IRF2: variants seen among roughly 807,000 people sequenced by gnomAD.
IRF2 encodes interferon regulatory factor 2.
IRF2 carries 15 observed loss-of-function variants against 40.6 expected under a neutral mutation model. The ratio of observed to expected loss-of-function variants is 0.37; its 90% CI spans 0.25 to 0.57. IRF2 has a LOEUF of 0.57. IRF2 is among the 20% of genes least tolerant of loss of function. The pLI, the probability that IRF2 is intolerant of heterozygous loss-of-function variation, is 0.77. For missense variants in IRF2, 317 were observed against 455.7 expected (o/e 0.70, Z 2.77); for synonymous variants, 151 against 165.5 (o/e 0.91, Z 0.67).
intron 2 of IRF2, among the ~76,000 whole-genome samples, chr4:184,420,160 AC>A (rs1241181615): frequency 6.6e-6 from 1 of 151,930 alleles, no homozygotes; most frequent in African/African-American, 2.4e-5. Flanking sequence ...GAGCCACCAC[AC>A]CCGGCCCTGT....
intron 5 of IRF2, among the ~76,000 whole-genome samples, chr4:184,415,327 G>A (rs1737228178): frequency 6.6e-6 from 1 of 152,184 alleles, no homozygotes; most frequent in African/African-American, 2.4e-5. Context: ...ACTTGGCTGA[G>A]GTGGCTCTTG....
chr4:184,393,811 C>T (rs1368464198), intron 7 of IRF2, among the ~76,000 whole-genome samples: 1 of 152,096 alleles, frequency 6.6e-6, no homozygotes, highest in Non-Finnish European at 1.5e-5. Context: ...TGAACCTCCC[C>T]CTGAGGGGAG....
intron 1 of IRF2, among the ~76,000 whole-genome samples, chr4:184,441,229 A>C (rs949004234): frequency 6.6e-6 from 1 of 152,212 alleles, no homozygotes; most frequent in African/African-American, 2.4e-5. Flanking sequence ...GCAAACACCC[A>C]ATGAATGTAG....
chr4:184,458,471 TTAAGA>T, intron 1 of IRF2, among the ~76,000 whole-genome samples: 1 of 152,226 alleles, frequency 6.6e-6, no homozygotes. Flanking sequence ...AGGGTTTTAT[TTAAGA>T]TATTTGTTTG....
At chr4:184,467,600 A>G (rs1739373101) in intron 1 of IRF2, among the ~76,000 whole-genome samples, 1 of 152,250 alleles carries the variant, frequency 6.6e-6, no homozygotes, top group South Asian at 2.1e-4. Flanking sequence ...CAATCTCATG[A>G]AATGGGAAAA....
chr4:184,410,023 C>T (rs1353572447), intron 5 of IRF2, among the ~76,000 whole-genome samples: 1 of 152,202 alleles, frequency 6.6e-6, no homozygotes, highest in African/African-American at 2.4e-5. Flanking sequence ...AACTTCCGAC[C>T]CGCTGTCTGC....
intron 2 of IRF2, among the ~76,000 whole-genome samples, chr4:184,419,828 T>C (rs1180932125): frequency 1.3e-5 from 2 of 152,220 alleles, no homozygotes; most frequent in Non-Finnish European, 2.9e-5. Context: ...AGGTGATGAT[T>C]TGACCTTGTG....
In IRF2 at chr4:184,413,093, C is replaced by A. The variant is rs951698627; in HGVS notation, c.412-4818G>T. 2.6e-5 allele frequency among the ~76,000 whole-genome samples: 4 copies of A among 152,224 alleles called. No homozygotes were observed. The highest frequency in any genetic ancestry group is 9.7e-5 in the African/African-American group (4 of 41,448). On this transcript the variant is annotated intron_variant, in intron 5 of 8. Transcript: ENST00000393593. This position sits in a 1 kb window ranked among gnomAD's most constrained non-coding sequence, Gnocchi z 4.2. The stretch of plus-strand genomic sequence containing the variant: ...GGCCTCCTCTTTAGGCCGCTCTTAT[C>A]TGCATCCTCCGTACCCTCTTCCACT...
At chr4:184,414,514 T>A (rs1737191780) in intron 5 of IRF2, among the ~76,000 whole-genome samples, 1 of 152,196 alleles carries the variant, frequency 6.6e-6, no homozygotes, top group African/African-American at 2.4e-5. Context: ...CTGTTTTTCT[T>A]GTTCTTATTT....
intron 1 of IRF2, among the ~76,000 whole-genome samples, chr4:184,430,701 C>T (rs1282894613): frequency 6.6e-6 from 1 of 152,058 alleles, no homozygotes; most frequent in Non-Finnish European, 1.5e-5. Flanking sequence ...AAGAGCATCA[C>T]CTTTTTTTTC....
chr4:184,444,386 C>T (rs890195), intron 1 of IRF2, among the ~76,000 whole-genome samples: 87 of 152,202 alleles, frequency 5.7e-4, no homozygotes, highest in African/African-American at 2.0e-3. Context: ...AGGAACCAAA[C>T]GCAGAAGGTA....
At chr4:184,405,213 C>T (rs920743785) in intron 6 of IRF2, among the ~76,000 whole-genome samples, 6 of 152,222 alleles carry the variant, frequency 3.9e-5, no homozygotes, top group Admixed American at 1.3e-4. Flanking sequence ...CACTGCACTC[C>T]AGCCTGGGCA....
chr4:184,393,081 G>A (rs568152674), intron 7 of IRF2, among the ~76,000 whole-genome samples: 16 of 152,282 alleles, frequency 1.1e-4, no homozygotes, highest in African/African-American at 3.6e-4. Context: ...CCCTCGTGCT[G>A]GCTCAGTATC....
At chr4:184,432,784 G>A (rs1374152747) in intron 1 of IRF2, among the ~76,000 whole-genome samples, 2 of 152,218 alleles carry the variant, frequency 1.3e-5, no homozygotes, top group Admixed American at 1.3e-4. Context: ...AGACTGCAGT[G>A]AGGCTGCTGC....
At chr4:184,407,503 G>A (rs543449674) in intron 6 of IRF2, among the ~76,000 whole-genome samples, 5 of 152,312 alleles carry the variant, frequency 3.3e-5, no homozygotes, top group South Asian at 2.1e-4. Context: ...GGAAAACACT[G>A]CTCCTCTGAG....
chr4:184,420,136 G>A (rs1737429869), intron 2 of IRF2, among the ~76,000 whole-genome samples: 1 of 152,182 alleles, frequency 6.6e-6, no homozygotes, highest in East Asian at 1.9e-4. Flanking sequence ...CCAAACTGCT[G>A]AGATTACAGG....
At chr4:184,395,270 G>A (rs543833288) in intron 7 of IRF2, among the ~76,000 whole-genome samples, 11 of 152,122 alleles carry the variant, frequency 7.2e-5, no homozygotes, top group South Asian at 2.1e-4. Context: ...AAAATTAGCC[G>A]GGCTTGGTTG....
At chr4:184,434,812 A>T (rs903331518) in intron 1 of IRF2, among the ~76,000 whole-genome samples, 1 of 152,224 alleles carries the variant, frequency 6.6e-6, no homozygotes, top group Non-Finnish European at 1.5e-5. Flanking sequence ...TCACCCAAAT[A>T]ACTGAATTTT....
At chr4:184,412,984 A>C (rs1737130797) in intron 5 of IRF2, among the ~76,000 whole-genome samples, 1 of 152,072 alleles carries the variant, frequency 6.6e-6, no homozygotes, top group Non-Finnish European at 1.5e-5. Flanking sequence ...TGTCACTTCA[A>C]AGGCAGCATG....
Sources: allele counts gnomAD v4.1 joint callset (sites outside exome capture counted in the v4.1 genomes callset), GRCh38; gene constraint gnomAD v4.1.1; non-coding constraint Gnocchi (gnomAD v3.1); transcripts MANE v1.5; gene names NCBI Gene and HGNC (gene_info 2026-07-23, HGNC 2026-07-21).